CUL4A: variants seen among roughly 807,000 people sequenced by gnomAD.
CUL4A encodes cullin-4A.
Under a neutral mutation model 95.5 loss-of-function variants are expected in CUL4A, and 16 were observed. That is an observed-to-expected ratio of 0.17 (90% CI 0.11 to 0.25). The LOEUF (loss-of-function observed/expected upper bound fraction) is 0.25. CUL4A is among the 10% of genes least tolerant of loss of function. The pLI is 1.00. For missense variants in CUL4A, 610 were observed against 937.0 expected (o/e 0.65, Z 4.56); for synonymous variants, 380 against 353.1 (o/e 1.08, Z -0.85).
chr13:113,231,973 A>ACT (rs2041327948), intron 5 of CUL4A, among the ~76,000 whole-genome samples: 2 of 148,744 alleles, frequency 1.3e-5, no homozygotes, highest in Non-Finnish European at 3.0e-5. Context: ...TATTATTAAT[A>ACT]ATACTACCAC....
intron 3 of CUL4A, among the ~76,000 whole-genome samples, chr13:113,225,587 G>A (rs1211746340): frequency 1.3e-5 from 2 of 152,222 alleles, no homozygotes; most frequent in East Asian, 1.9e-4. Flanking sequence ...ATTGACTGGT[G>A]TCAGTTTAAC....
chr13:113,210,140 A>G (rs2139056160), intron 2 of CUL4A, 52 bp downstream of exon 2: 3 of 1,294,660 alleles, frequency 2.3e-6, no homozygotes, highest in Non-Finnish European at 3.0e-6. Flanking sequence ...CGTGACGCAG[A>G]CGCGGCCGGG....
chr13:113,234,819 A>G (rs1169249260), intron 7 of CUL4A, among the ~76,000 whole-genome samples: 1 of 152,148 alleles, frequency 6.6e-6, no homozygotes, highest in East Asian at 1.9e-4. Flanking sequence ...GTGCACAGGG[A>G]CGAAAGAGAA....
intron 18 of CUL4A, among the ~76,000 whole-genome samples, chr13:113,258,897 G>A (rs111343907): frequency 6.6e-6 from 1 of 152,196 alleles, no homozygotes; most frequent in African/African-American, 2.4e-5. Context: ...TGATCAGGGA[G>A]CCACAGCTGG....
At chr13:113,226,690 G>A (rs1299749027) in intron 3 of CUL4A, among the ~76,000 whole-genome samples, 1 of 152,128 alleles carries the variant, frequency 6.6e-6, no homozygotes, top group African/African-American at 2.4e-5. Context: ...AGTTTTCATT[G>A]AGGCTGGAAG....
intron 18 of CUL4A, among the ~76,000 whole-genome samples, chr13:113,258,223 T>C (rs2042181595): frequency 6.6e-6 from 1 of 152,128 alleles, no homozygotes; most frequent in Non-Finnish European, 1.5e-5. Flanking sequence ...ACTCCTGGGC[T>C]CAAGCAGTCT....
intron 16 of CUL4A, among the ~76,000 whole-genome samples, chr13:113,253,503 C>T (rs2042046021): frequency 6.6e-6 from 1 of 151,932 alleles, no homozygotes; most frequent in Non-Finnish European, 1.5e-5. Flanking sequence ...AAACAGAGGG[C>T]TTCAAAGTAA....
intron 5 of CUL4A, among the ~76,000 whole-genome samples, chr13:113,231,194 C>T (rs150361565): frequency 4.8e-4 from 73 of 152,216 alleles, no homozygotes; most frequent in African/African-American, 1.6e-3. Flanking sequence ...AAAACCTGAA[C>T]GTGAGCATCA....
intron 9 of CUL4A, 43 bp from the exon 10 acceptor site, chr13:113,239,390 G>A: frequency 6.6e-7 from 1 of 1,506,116 alleles, no homozygotes; most frequent in Non-Finnish European, 9.2e-7. Flanking sequence ...TGTTGTTAAT[G>A]CTGCCCATGC....
At chr13:113,208,946 T>C, upstream of CUL4A, 2 of 1,218,510 alleles carry the variant, frequency 1.6e-6, no homozygotes, top group Non-Finnish European at 2.1e-6. Flanking sequence ...TGCCTTTCAC[T>C]GCGCTGACCC....
chr13:113,229,707 C>A (rs1456375588), intron 5 of CUL4A, 188 bp downstream of exon 5: 2 of 564,230 alleles, frequency 3.5e-6, no homozygotes, highest in Admixed American at 3.3e-5. Flanking sequence ...AGGTGTCTAG[C>A]CAGCAGCAAG....
chr13:113,209,960 C>G lies in CUL4A; in HGVS notation c.149-13C>G, dbSNP rs916108376. ...GCGCGCCCTGAGCCGCCCGCTCTCC[C>G]TCCGCCCTGCAGACAGACCTCGGCT... is the stretch of plus-strand genomic sequence containing the variant. On this transcript the variant is annotated splice_polypyrimidine_tract_variant and intron_variant, in intron 1 of 19. Transcript: ENST00000375440. The G allele has an allele frequency of 6.7e-7, 1 of 1,493,312 alleles. No homozygotes were observed. Among genetic ancestry groups the G allele is most frequent in the Non-Finnish European group, 8.9e-7 (1 of 1,123,140 alleles). The allele number at this position is 1,493,312 out of a possible 1,614,324, so 92.5% of individuals were successfully genotyped here.
chr13:113,229,338 G>A (rs2041226514), intron 4 of CUL4A, 108 bp from the exon 5 acceptor site: 2 of 870,960 alleles, frequency 2.3e-6, no homozygotes, highest in Admixed American at 2.1e-5. Flanking sequence ...GTGGTGGACA[G>A]GAAACAGCTG....
chr13:113,210,396 C>T (rs1326660422), intron 2 of CUL4A, among the ~76,000 whole-genome samples: 2 of 152,196 alleles, frequency 1.3e-5, no homozygotes, highest in African/African-American at 4.8e-5. Flanking sequence ...ATTATTTTCT[C>T]GTTATATGTA....
chr13:113,250,164 C>CA (rs1345320992), intron 15 of CUL4A, among the ~76,000 whole-genome samples: 10 of 152,084 alleles, frequency 6.6e-5, no homozygotes, highest in African/African-American at 2.4e-4. Context: ...ATCAAGATCA[C>CA]AAAAAATTGA....
In CUL4A at chr13:113,262,345, G is replaced by A. The variant is rs1595440595; in HGVS notation, c.2185-1142G>A. Among the ~76,000 whole-genome samples, 6 of 152,288 alleles carry A rather than the reference G, an allele frequency of 3.9e-5. 1 individual carries two copies. The highest frequency in any genetic ancestry group is 3.9e-4 in the Admixed American group (6 of 15,302). ...CGTGGACATGGCATGCAATAACTAT[G>A]TAAATACACGAGAATAAAACTACAG... On this transcript the variant is annotated intron_variant, in intron 19 of 19. Coordinates refer to ENST00000375440, the MANE Select transcript of CUL4A (RefSeq NM_001008895.4).
rs745921067 is a variant in CUL4A at position 113,239,416 on chromosome 13, T to C, written c.917-17T>C. On this transcript the variant is annotated splice_polypyrimidine_tract_variant and intron_variant, in intron 9 of 19. Transcript: ENST00000375440. ...CTGCCCATGCTGTACTCTGCTGACGTGTACTGCACATCTCAGGGCTCGACC... is the reference window on the plus strand; with the variant it reads ...CTGCCCATGCTGTACTCTGCTGACGCGTACTGCACATCTCAGGGCTCGACC... 6 of 1,597,838 alleles carry C rather than the reference T, an allele frequency of 3.8e-6. No homozygotes were observed. The highest frequency in any genetic ancestry group is 5.1e-6 in the Non-Finnish European group (6 of 1,165,372).
chr13:113,238,295 AT>A (rs890438699), intron 9 of CUL4A, among the ~76,000 whole-genome samples: 2 of 151,682 alleles, frequency 1.3e-5, no homozygotes, highest in African/African-American at 4.8e-5. Flanking sequence ...TAAAAATAAA[AT>A]TTTTTTTTAA....
intron 15 of CUL4A, among the ~76,000 whole-genome samples, chr13:113,247,189 C>A (rs1261581402): frequency 6.6e-6 from 1 of 152,114 alleles, no homozygotes; most frequent in East Asian, 1.9e-4. Context: ...CATGAGGGAT[C>A]CACCCCCATG....
Sources: allele counts gnomAD v4.1 joint callset (sites outside exome capture counted in the v4.1 genomes callset), GRCh38; gene constraint gnomAD v4.1.1; transcripts MANE v1.5; gene names NCBI Gene and HGNC (gene_info 2026-07-23, HGNC 2026-07-21).